The following CALN1 variants were observed in gnomAD, a reference collection of about 807,000 sequenced individuals.
CALN1 encodes the protein calcium-binding protein 8.
Under a neutral mutation model 30.6 loss-of-function variants are expected in CALN1, and 17 were observed. The observed-to-expected ratio is 0.56, with a 90% CI of 0.38 to 0.83. The LOEUF (loss-of-function observed/expected upper bound fraction) is 0.83. Among genes scored for constraint, CALN1 ranks in the 40% least tolerant of loss-of-function variants. The probability of loss-of-function intolerance (pLI) is 0.00; values close to 1 mark genes in which losing one functional copy is unlikely to be tolerated. For synonymous variants in CALN1, 156 were observed against 131.4 expected (o/e 1.19, Z -1.28); for missense variants, 291 against 354.9 (o/e 0.82, Z 1.45).
chr7:71,856,043 A>T (rs1790927979), intron 5 of CALN1, among the ~76,000 whole-genome samples: 1 of 151,876 alleles, frequency 6.6e-6, no homozygotes, highest in South Asian at 2.1e-4. Flanking sequence ...GTATATGTAG[A>T]TATGTATATA....
chr7:72,025,743 T>C (rs1018849147), intron 4 of CALN1, among the ~76,000 whole-genome samples: 8 of 152,216 alleles, frequency 5.3e-5, no homozygotes, highest in African/African-American at 1.4e-4. Flanking sequence ...GCCAGGTGTC[T>C]GCACACAAGA....
At chr7:71,840,842 T>C (rs1056025990) in intron 5 of CALN1, among the ~76,000 whole-genome samples, 1 of 152,196 alleles carries the variant, frequency 6.6e-6, no homozygotes, top group Admixed American at 6.5e-5. Flanking sequence ...CATGGTAATA[T>C]ATGATAGCAT....
intron 3 of CALN1, among the ~76,000 whole-genome samples, chr7:72,255,359 A>ATTATAG (rs58443397): frequency 0.36 from 53,883 of 151,382 alleles, 10,468 homozygotes; most frequent in Middle Eastern, 0.54. Context: ...AAGTGCTGGG[A>ATTATAG]TTATAGGGGT....
At chr7:72,012,302 G>C (rs1198400671) in intron 5 of CALN1, among the ~76,000 whole-genome samples, 1 of 152,100 alleles carries the variant, frequency 6.6e-6, no homozygotes, top group Non-Finnish European at 1.5e-5. Context: ...CGGATCATGA[G>C]GTCCTCTTGA....
chr7:72,011,311 G>T (rs1035122581), intron 5 of CALN1, among the ~76,000 whole-genome samples: 8 of 152,084 alleles, frequency 5.3e-5, no homozygotes, highest in Non-Finnish European at 1.0e-4. Flanking sequence ...CTGGGAGGAG[G>T]TCAGGAGTGT....
chr7:72,286,443 A>G (rs1798084383), intron 2 of CALN1, among the ~76,000 whole-genome samples: 2 of 152,208 alleles, frequency 1.3e-5, no homozygotes, highest in Admixed American at 1.3e-4. Flanking sequence ...GGATCCCAGG[A>G]GTAATGACCT....
chr7:72,135,425 C>T (rs1473083174), intron 3 of CALN1, among the ~76,000 whole-genome samples: 2 of 152,128 alleles, frequency 1.3e-5, no homozygotes, highest in African/African-American at 4.8e-5. Context: ...GGCTGCAGAA[C>T]GGATGCTGTG....
chr7:71,832,134 C>A (rs1486316201), intron 5 of CALN1, among the ~76,000 whole-genome samples: 1 of 151,996 alleles, frequency 6.6e-6, no homozygotes, highest in East Asian at 1.9e-4. Flanking sequence ...GGCTAAAACA[C>A]CCCTGCTTTT....
intron 3 of CALN1, among the ~76,000 whole-genome samples, chr7:72,150,111 G>A (rs1177777879): frequency 7.8e-6 from 1 of 129,028 alleles, no homozygotes; most frequent in African/African-American, 3.1e-5. Flanking sequence ...TAGGCAACAA[G>A]AGTAAAACTC....
intron 2 of CALN1, among the ~76,000 whole-genome samples, chr7:72,390,372 A>G (rs1362788100): frequency 2.0e-5 from 3 of 152,158 alleles, no homozygotes; most frequent in African/African-American, 7.2e-5. Context: ...CAGAGGTTGT[A>G]GTGAGCCGAG....
the CALN1 span, among the ~76,000 whole-genome samples, chr7:72,463,846 C>T: frequency 6.6e-6 from 1 of 152,038 alleles, no homozygotes; most frequent in Non-Finnish European, 1.5e-5. Context: ...CAGGCGTGAG[C>T]CACTTTTCCT....
At chr7:72,196,715 T>A (rs564689941) in intron 3 of CALN1, among the ~76,000 whole-genome samples, 97 of 152,354 alleles carry the variant, frequency 6.4e-4, no homozygotes, top group African/African-American at 2.0e-3. Context: ...CAAATACGTG[T>A]TCACATATAT....
chr7:72,272,857 C>T (rs899437965), intron 3 of CALN1, among the ~76,000 whole-genome samples: 3 of 152,078 alleles, frequency 2.0e-5, no homozygotes, highest in Non-Finnish European at 4.4e-5. Context: ...ACAACTTAAC[C>T]GCAGCCATGG....
At chr7:71,801,940 T>C (rs1362776752) in intron 6 of CALN1, among the ~76,000 whole-genome samples, 1 of 151,880 alleles carries the variant, frequency 6.6e-6, no homozygotes, top group Non-Finnish European at 1.5e-5. Flanking sequence ...ATCATATCAC[T>C]TCACTCCAGC....
At chr7:71,924,193 CAAA>C (rs200454649) in intron 5 of CALN1, among the ~76,000 whole-genome samples, 59 of 76,848 alleles carry the variant, frequency 7.7e-4, no homozygotes, top group East Asian at 1.9e-3. Flanking sequence ...AACTCAGTCT[CAAA>C]AAAAAAAAAA....
intron 2 of CALN1, among the ~76,000 whole-genome samples, chr7:72,352,529 AAC>A (rs1802988034): frequency 6.6e-6 from 1 of 152,320 alleles, no homozygotes; most frequent in East Asian, 1.9e-4. Context: ...ACAAGTAAAA[AAC>A]AGTTTTGCAT....
At chr7:72,398,043 C>T (rs1476448739) in intron 2 of CALN1, among the ~76,000 whole-genome samples, 2 of 152,080 alleles carry the variant, frequency 1.3e-5, no homozygotes, top group African/African-American at 4.8e-5. Context: ...GGAAGTAGGA[C>T]CATTGGCCAG....
intron 4 of CALN1, among the ~76,000 whole-genome samples, chr7:72,099,043 G>T (rs888533386): frequency 6.6e-6 from 1 of 152,184 alleles, no homozygotes; most frequent in Non-Finnish European, 1.5e-5. Flanking sequence ...GACAAACCCA[G>T]GCGAATTCCA....
the CALN1 span, among the ~76,000 whole-genome samples, chr7:72,456,335 C>CA: frequency 6.6e-6 from 1 of 151,764 alleles, no homozygotes; most frequent in Non-Finnish European, 1.5e-5. Flanking sequence ...CCAGCCTGGA[C>CA]AACATAGTAA....
Sources: gnomAD v4.1 joint callset for allele counts (sites outside exome capture counted in the v4.1 genomes callset) on GRCh38, gnomAD v4.1.1 for gene constraint, MANE v1.5 for transcripts, NCBI Gene and HGNC (gene_info 2026-07-23, HGNC 2026-07-21) for gene names.